The following ATRNL1 variants were observed in gnomAD, a reference collection of about 807,000 sequenced individuals.
ATRNL1 encodes attractin-like protein 1.
Under a neutral mutation model 182.7 loss-of-function variants are expected in ATRNL1, and 95 were observed. The ratio of observed to expected loss-of-function variants is 0.52; its 90% CI spans 0.44 to 0.62. The LOEUF is 0.62. Ranked by LOEUF, ATRNL1 falls within the 20% of genes least tolerant of loss-of-function variation. The probability of loss-of-function intolerance (pLI) is 0.00; values close to 1 mark genes in which losing one functional copy is unlikely to be tolerated. For missense variants in ATRNL1, 1,471 were observed against 1,679.5 expected, an observed-to-expected ratio of 0.88 and a Z score of 2.17; for synonymous variants, 576 against 568.3, an observed-to-expected ratio of 1.01 and a Z score of -0.19.
chr10:115,346,585 C>T (rs1042455833), intron 19 of ATRNL1, among the ~76,000 whole-genome samples: 1 of 152,076 alleles, frequency 6.6e-6, no homozygotes, highest in Non-Finnish European at 1.5e-5. Context: ...TTGCTTCCAC[C>T]TTTTGGCTGT....
At chr10:115,890,035 C>T (rs868933123) in intron 28 of ATRNL1, among the ~76,000 whole-genome samples, 5 of 152,230 alleles carry the variant, frequency 3.3e-5, no homozygotes, top group Non-Finnish European at 7.3e-5. Context: ...GTCATTTCTT[C>T]CATTGATATA....
chr10:115,795,465 A>G (rs559124657), intron 27 of ATRNL1, among the ~76,000 whole-genome samples: 6 of 152,182 alleles, frequency 3.9e-5, no homozygotes, highest in South Asian at 2.1e-4. Context: ...TCCCATCCCC[A>G]GTGCAGATTC....
chr10:115,275,915 C>T (rs1452252491), intron 13 of ATRNL1, among the ~76,000 whole-genome samples: 3 of 152,166 alleles, frequency 2.0e-5, no homozygotes, highest in Non-Finnish European at 4.4e-5. Context: ...TATGTTTTAG[C>T]CAACTAACAG....
intron 24 of ATRNL1, among the ~76,000 whole-genome samples, chr10:115,489,359 T>C (rs1554975922): frequency 6.6e-6 from 1 of 152,194 alleles, no homozygotes; most frequent in Non-Finnish European, 1.5e-5. Flanking sequence ...TGTGGGAGTC[T>C]AAGTCTCTTT....
intron 28 of ATRNL1, among the ~76,000 whole-genome samples, chr10:115,876,898 A>C: frequency 6.6e-6 from 1 of 152,218 alleles, no homozygotes; most frequent in East Asian, 1.9e-4. Context: ...TTTCTGTTTA[A>C]AACATTTCTA....
At chr10:115,874,475 T>C (rs2927373) in intron 28 of ATRNL1, among the ~76,000 whole-genome samples, 97,932 of 152,106 alleles carry the variant, frequency 0.64, 34,956 homozygotes, top group East Asian at 0.78. Flanking sequence ...TCTCAAGTAC[T>C]AAGCACTATC....
intron 19 of ATRNL1, among the ~76,000 whole-genome samples, chr10:115,390,870 T>A (rs1843982740): frequency 6.6e-6 from 1 of 152,214 alleles, no homozygotes; most frequent in Non-Finnish European, 1.5e-5. Flanking sequence ...AGCTTTTAAG[T>A]CCTTGGTTAA....
chr10:115,116,669 A>G (rs557994616), intron 1 of ATRNL1, among the ~76,000 whole-genome samples: 1 of 152,138 alleles, frequency 6.6e-6, no homozygotes, highest in African/African-American at 2.4e-5. Context: ...GTAGCAGGAG[A>G]TTTCTCCCCT....
chr10:115,215,653 A>C (rs1318705255), intron 8 of ATRNL1, 44 bp from the exon 9 acceptor site: 2 of 1,441,998 alleles, frequency 1.4e-6, no homozygotes, highest in Non-Finnish European at 1.9e-6. Context: ...GTTATATTTA[A>C]AAATACTACT....
At chr10:115,842,893 T>C (rs1406317527) in intron 27 of ATRNL1, among the ~76,000 whole-genome samples, 1 of 152,060 alleles carries the variant, frequency 6.6e-6, no homozygotes, top group Non-Finnish European at 1.5e-5. Flanking sequence ...ATCCTGCTAA[T>C]AGGACTGCTG....
intron 8 of ATRNL1, among the ~76,000 whole-genome samples, chr10:115,180,543 C>T (rs1299551924): frequency 6.6e-6 from 1 of 151,704 alleles, no homozygotes; most frequent in Non-Finnish European, 1.5e-5. Context: ...GAGACATATC[C>T]TGATAAACTA....
At chr10:115,884,092 G>T (rs1951889677) in intron 28 of ATRNL1, among the ~76,000 whole-genome samples, 1 of 152,202 alleles carries the variant, frequency 6.6e-6, no homozygotes, top group Admixed American at 6.5e-5. Flanking sequence ...ACAGGCAAAA[G>T]AAAATAGCAG....
At chr10:115,818,573 G>A (rs1244478904) in intron 27 of ATRNL1, among the ~76,000 whole-genome samples, 2 of 152,234 alleles carry the variant, frequency 1.3e-5, no homozygotes, top group African/African-American at 2.4e-5. Flanking sequence ...CAGAGAAAAG[G>A]TTATTTTCTA....
intron 26 of ATRNL1, among the ~76,000 whole-genome samples, chr10:115,625,781 C>T (rs565308566): frequency 1.3e-4 from 20 of 152,034 alleles, no homozygotes; most frequent in Non-Finnish European, 2.5e-4. Flanking sequence ...GATGCCAAGG[C>T]GCATAGGAAT....
intron 1 of ATRNL1, among the ~76,000 whole-genome samples, chr10:115,117,315 T>C (rs1284147713): frequency 6.6e-6 from 1 of 151,986 alleles, no homozygotes; most frequent in Non-Finnish European, 1.5e-5. Flanking sequence ...TTCTATTTTT[T>C]TGTACCCCTT....
chr10:115,551,683 A>G (rs1853000501), intron 26 of ATRNL1, among the ~76,000 whole-genome samples: 1 of 151,526 alleles, frequency 6.6e-6, no homozygotes, highest in East Asian at 1.9e-4. Context: ...ATTTTACTAA[A>G]TTCCTTTAAA....
intron 26 of ATRNL1, among the ~76,000 whole-genome samples, chr10:115,640,018 A>G (rs1486823312): frequency 6.6e-6 from 1 of 151,416 alleles, no homozygotes; most frequent in Non-Finnish European, 1.5e-5. Flanking sequence ...TTCTTATTCA[A>G]CTCGAACATC....
chr10:115,745,301 C>T (rs1213428619), intron 27 of ATRNL1, among the ~76,000 whole-genome samples: 8 of 152,050 alleles, frequency 5.3e-5, no homozygotes, highest in African/African-American at 1.7e-4. Flanking sequence ...CATGCCATTA[C>T]GTATCAGTAG....
At position 115,334,888 on chromosome 10, in the gene ATRNL1, A is replaced by G. The variant is rs191564684; in HGVS notation, c.3175+469A>G. Among the ~76,000 whole-genome samples the G allele has an allele frequency of 1.8e-3, 276 of 152,222 alleles. 2 individuals carry two copies. The highest frequency in any genetic ancestry group is 6.2e-3 in the African/African-American group (257 of 41,560). ...GAACCAAATCTGGGCTGAAATCCCA[A>G]CTCTGTCACTGTTCAAATGTATGAC... is the stretch of plus-strand genomic sequence containing the variant. On this transcript the variant is annotated intron_variant, in intron 19 of 28. Coordinates refer to ENST00000355044, the MANE Select transcript of ATRNL1 (RefSeq NM_207303.4).
Sources: gnomAD v4.1 joint callset for allele counts (sites outside exome capture counted in the v4.1 genomes callset) on GRCh38, gnomAD v4.1.1 for gene constraint, MANE v1.5 for transcripts, NCBI Gene and HGNC (gene_info 2026-07-23, HGNC 2026-07-21) for gene names.